Variants in MYO3B observed in about 807,000 individuals in gnomAD.
The protein encoded by MYO3B is myosin IIIB.
In MYO3B, 156 loss-of-function variants were observed where a neutral mutation model predicts 174.6. The ratio of observed to expected loss-of-function variants is 0.89; its 90% confidence interval spans 0.78 to 1.02. The LOEUF (loss-of-function observed/expected upper bound fraction) is 1.02, where lower values mean the gene tolerates loss of function less well. Ranked by LOEUF, MYO3B falls within the 50% of genes least tolerant of loss-of-function variation. The pLI, the probability that MYO3B is intolerant of heterozygous loss-of-function variation, is 0.00. For synonymous variants in MYO3B, 563 were observed against 569.1 expected (o/e 0.99, Z 0.15); for missense variants, 1,632 against 1,639.4 (o/e 1.00, Z 0.08).
intron 6 of MYO3B, among the ~76,000 whole-genome samples, chr2:170,233,246 T>A (rs2093033173): frequency 6.6e-6 from 1 of 152,204 alleles, no homozygotes; most frequent in Non-Finnish European, 1.5e-5. Flanking sequence ...TCTTAGGGCA[T>A]TTATAGTTGT....
At chr2:170,483,372 A>ATTTTTTTT (rs1219069017) in intron 25 of MYO3B, among the ~76,000 whole-genome samples, 30 of 74,708 alleles carry the variant, frequency 4.0e-4, no homozygotes, top group South Asian at 9.9e-4. Context: ...TTGCTTGGGG[A>ATTTTTTTT]TTCTTTTTTT....
At position 170,401,431 on chromosome 2, in the gene MYO3B, C is replaced by T. The variant is rs761983000; in HGVS notation, c.1919-50C>T. ...GTTGAATAAATGCTGAACAGACTGA[C>T]TGAATGAAGGTCTGGCTACATTCTG... is the stretch of plus-strand genomic sequence containing the variant. On this transcript the variant is annotated intron_variant, in intron 17 of 34. Transcript: ENST00000408978. The T allele has an allele frequency of 3.9e-6, 6 of 1,534,490 alleles. No individual in the cohort carries two copies. The South Asian group carries it at 5.6e-5, about 14-fold the overall frequency.
chr2:170,601,203 A>G (rs191267219), intron 32 of MYO3B, among the ~76,000 whole-genome samples: 42 of 152,336 alleles, frequency 2.8e-4, no homozygotes, highest in Admixed American at 1.0e-3. Flanking sequence ...ATGTCAACAA[A>G]ACAGCTGCCA....
chr2:170,495,037 T>A (rs1434834337), intron 25 of MYO3B, among the ~76,000 whole-genome samples: 1 of 152,204 alleles, frequency 6.6e-6, no homozygotes, highest in South Asian at 2.1e-4. Flanking sequence ...GACTCCAATA[T>A]ATAAAATCAA....
chr2:170,339,787 G>A (rs577736739), intron 8 of MYO3B, among the ~76,000 whole-genome samples: 5 of 152,298 alleles, frequency 3.3e-5, no homozygotes, highest in South Asian at 4.1e-4. Context: ...TTAGTTATGC[G>A]TTTGTCAAAG....
intron 32 of MYO3B, among the ~76,000 whole-genome samples, chr2:170,575,336 G>A (rs1559129182): frequency 6.6e-6 from 1 of 151,834 alleles, no homozygotes; most frequent in Admixed American, 6.6e-5. Context: ...TCTCTATCAG[G>A]GGTCAGCAAA....
intron 9 of MYO3B, among the ~76,000 whole-genome samples, chr2:170,381,810 G>A (rs2094337362): frequency 6.6e-6 from 1 of 152,230 alleles, no homozygotes; most frequent in African/African-American, 2.4e-5. Context: ...CTGGCAGGAA[G>A]TAGACTTGAA....
chr2:170,204,136 G>T (rs2105345861), intron 3 of MYO3B, among the ~76,000 whole-genome samples: 1 of 152,264 alleles, frequency 6.6e-6, no homozygotes. Flanking sequence ...GCAAGCCAGT[G>T]ACTTTTGCTG....
chr2:170,213,806 G>A (rs2092798757), intron 3 of MYO3B, among the ~76,000 whole-genome samples: 2 of 152,164 alleles, frequency 1.3e-5, no homozygotes, highest in South Asian at 4.2e-4. Context: ...GTTAATAAAT[G>A]CACTTATGAT....
intron 29 of MYO3B, among the ~76,000 whole-genome samples, chr2:170,518,564 C>T (rs1280773016): frequency 6.6e-6 from 1 of 152,146 alleles, no homozygotes; most frequent in Non-Finnish European, 1.5e-5. Context: ...TGGTCCTAGG[C>T]ATGTTTAAAA....
chr2:170,581,013 A>G (rs1340015913), intron 32 of MYO3B, among the ~76,000 whole-genome samples: 1 of 152,274 alleles, frequency 6.6e-6, no homozygotes, highest in East Asian at 1.9e-4. Flanking sequence ...TAGAAGCACA[A>G]GAAAATTTCT....
intron 6 of MYO3B, among the ~76,000 whole-genome samples, chr2:170,221,081 G>A (rs954400154): frequency 4.6e-5 from 7 of 151,996 alleles, no homozygotes; most frequent in Non-Finnish European, 8.8e-5. Flanking sequence ...CAATGCTTTG[G>A]GTCAAGAACA....
At chr2:170,294,677 C>T (rs2093617456) in intron 7 of MYO3B, among the ~76,000 whole-genome samples, 1 of 152,084 alleles carries the variant, frequency 6.6e-6, no homozygotes. Context: ...AATTCTCATA[C>T]TCATTGAAAC....
chr2:170,233,008 G>A (rs1574625442), intron 6 of MYO3B, among the ~76,000 whole-genome samples: 4 of 152,336 alleles, frequency 2.6e-5, no homozygotes, highest in South Asian at 2.1e-4. Context: ...TTAGGACAAC[G>A]CTTGAGAAAT....
chr2:170,423,585 CT>C (rs34209442), intron 22 of MYO3B, among the ~76,000 whole-genome samples: 260 of 124,282 alleles, frequency 2.1e-3, no homozygotes, highest in African/African-American at 6.0e-3. Flanking sequence ...TCAGCAAAAG[CT>C]TTTTTTTTTT....
chr2:170,356,627 G>T (rs553709658), intron 8 of MYO3B, among the ~76,000 whole-genome samples: 4 of 151,984 alleles, frequency 2.6e-5, no homozygotes, highest in Non-Finnish European at 5.9e-5. Context: ...CTCCCAAAGT[G>T]CTGGGATTAC....
At chr2:170,574,224 A>G (rs1207359278) in intron 32 of MYO3B, among the ~76,000 whole-genome samples, 1 of 152,220 alleles carries the variant, frequency 6.6e-6, no homozygotes, top group Non-Finnish European at 1.5e-5. Flanking sequence ...GATGATATGC[A>G]TGCACGGTAG....
chr2:170,396,141 A>G (rs1380691906), intron 16 of MYO3B, among the ~76,000 whole-genome samples: 1 of 152,236 alleles, frequency 6.6e-6, no homozygotes, highest in Non-Finnish European at 1.5e-5. Flanking sequence ...TTTATAATAT[A>G]GAAAGCTGAA....
At chr2:170,236,291 G>T (rs2093069812) in intron 7 of MYO3B, among the ~76,000 whole-genome samples, 155 bp downstream of exon 7, 1 of 151,834 alleles carries the variant, frequency 6.6e-6, no homozygotes, top group Non-Finnish European at 1.5e-5. Context: ...GGCTGGGGGG[G>T]ACAGAGAAGA....
Sources: gnomAD v4.1 joint callset for allele counts (sites outside exome capture counted in the v4.1 genomes callset) on GRCh38, gnomAD v4.1.1 for gene constraint, MANE v1.5 for transcripts, NCBI Gene and HGNC (gene_info 2026-07-23, HGNC 2026-07-21) for gene names.